SUPT3H: variants seen among roughly 807,000 people sequenced by gnomAD.
The protein encoded by SUPT3H is transcription initiation protein SPT3 homolog.
A neutral mutation model predicts 44.3 loss-of-function variants in SUPT3H; 44 were observed. That is an observed-to-expected ratio of 0.99 (90% CI 0.78 to 1.28). The LOEUF is 1.28. SUPT3H is among the 50% of genes most tolerant of loss of function. The probability of loss-of-function intolerance (pLI) is 0.00; values close to 1 mark genes in which losing one functional copy is unlikely to be tolerated. For missense variants in SUPT3H, 380 were observed against 387.1 expected, an observed-to-expected ratio of 0.98 and a Z score of 0.15; for synonymous variants, 124 against 125.6, an observed-to-expected ratio of 0.99 and a Z score of 0.09.
chr6:45,300,506 G>A (rs1781977924), intron 2 of SUPT3H, among the ~76,000 whole-genome samples: 1 of 152,154 alleles, frequency 6.6e-6, no homozygotes, highest in Non-Finnish European at 1.5e-5. Context: ...GGCCCTTTTG[G>A]AAAACAGCTG....
At chr6:45,281,575 G>A (rs927548215) in intron 2 of SUPT3H, among the ~76,000 whole-genome samples, 1 of 152,202 alleles carries the variant, frequency 6.6e-6, no homozygotes, top group Admixed American at 6.5e-5. Context: ...CGCTTGAGTA[G>A]CTAAACAAAG....
At chr6:45,294,560 T>C (rs554492819) in intron 2 of SUPT3H, among the ~76,000 whole-genome samples, 4 of 152,060 alleles carry the variant, frequency 2.6e-5, no homozygotes, top group East Asian at 3.9e-4. Context: ...GCTGATATGA[T>C]TGTTTACCTA....
chr6:44,946,242 C>A (rs1297704856), intron 9 of SUPT3H, among the ~76,000 whole-genome samples: 2 of 152,124 alleles, frequency 1.3e-5, no homozygotes, highest in Admixed American at 1.3e-4. Flanking sequence ...TGGAGAAGTA[C>A]AAAAAGATGA....
intron 2 of SUPT3H, among the ~76,000 whole-genome samples, chr6:45,271,041 A>G (rs533313018): frequency 1.3e-5 from 2 of 152,354 alleles, no homozygotes; most frequent in African/African-American, 2.4e-5. Flanking sequence ...CTGACAGAAG[A>G]TATTTCTAAG....
intron 2 of SUPT3H, among the ~76,000 whole-genome samples, chr6:45,288,599 GTATATATATATATGTA>G (rs1779765998): frequency 3.1e-4 from 10 of 32,450 alleles, no homozygotes; most frequent in South Asian, 2.5e-3. Context: ...ATATATATGT[GTATATATATATATGTA>G]TATATATATA....
chr6:45,288,122 A>C (rs1779616789), intron 2 of SUPT3H, among the ~76,000 whole-genome samples: 1 of 152,136 alleles, frequency 6.6e-6, no homozygotes, highest in Non-Finnish European at 1.5e-5. Flanking sequence ...AGCAGCCATC[A>C]GGTAGTTTCT....
At chr6:44,937,837 T>C (rs2153463946) in intron 9 of SUPT3H, among the ~76,000 whole-genome samples, 1 of 151,440 alleles carries the variant, frequency 6.6e-6, no homozygotes, top group African/African-American at 2.4e-5. Flanking sequence ...TGGCTGTTAG[T>C]CCCCTGTCGG....
At position 45,107,221 on chromosome 6, in the gene SUPT3H, G is replaced by A. The variant is rs753293519; in HGVS notation, c.102-1215C>T. On this transcript the variant is annotated intron_variant, in intron 2 of 10. Transcript: ENST00000371459. ...CAGCAGTAGGGAAGACAAAACCAAAGTCAGACAAGATGAAAAAAAGAGTTC... is the reference window on the plus strand; with the variant it reads ...CAGCAGTAGGGAAGACAAAACCAAAATCAGACAAGATGAAAAAAAGAGTTC... Among the ~76,000 whole-genome samples, 7 of 152,182 alleles carry A rather than the reference G, an allele frequency of 4.6e-5. No individual in the cohort carries two copies. The East Asian group carries it at 5.8e-4, about 13-fold the overall frequency.
rs200670429 is a variant in SUPT3H, at chr6:44,838,745, AT to A, written c.913-8889del. 9.4e-3 allele frequency among the ~76,000 whole-genome samples: 1,427 copies of A among 152,268 alleles called. 29 individuals are homozygous for A. The highest frequency in any genetic ancestry group is 0.032 in the African/African-American group (1,350 of 41,552). ...TTAGGGCCTGGCATAAACTCTTTAT[AT>A]TAAATTAGAGTACTCTCTGTTGGCA... On this transcript the variant is annotated intron_variant, in intron 10 of 10. Coordinates refer to ENST00000371459, the MANE Select transcript of SUPT3H (RefSeq NM_003599.4).
chr6:44,847,735 G>T (rs1772120523), intron 10 of SUPT3H, among the ~76,000 whole-genome samples: 1 of 151,988 alleles, frequency 6.6e-6, no homozygotes, highest in Non-Finnish European at 1.5e-5. Flanking sequence ...TGATCCACCT[G>T]CCTTGGCCTC....
At chr6:45,110,289 G>A (rs1799857838) in intron 2 of SUPT3H, among the ~76,000 whole-genome samples, 1 of 152,034 alleles carries the variant, frequency 6.6e-6, no homozygotes, top group Non-Finnish European at 1.5e-5. Context: ...AACAAACAAG[G>A]GCATTCATGA....
At chr6:44,811,989 A>T (rs537603581) in intron 11 of SUPT3H, among the ~76,000 whole-genome samples, 43 of 152,058 alleles carry the variant, frequency 2.8e-4, no homozygotes, top group Admixed American at 8.5e-4. Flanking sequence ...TGATTCTGTG[A>T]CTGAACCCTG....
intron 10 of SUPT3H, among the ~76,000 whole-genome samples, chr6:44,891,386 A>G (rs1282081086): frequency 6.6e-6 from 1 of 152,188 alleles, no homozygotes; most frequent in East Asian, 1.9e-4. Flanking sequence ...TGACTAAAAC[A>G]AATGTGGTTT....
intron 2 of SUPT3H, among the ~76,000 whole-genome samples, chr6:45,230,627 A>T (rs112988154): frequency 0.024 from 3,023 of 125,262 alleles, 110 homozygotes; most frequent in Non-Finnish European, 0.04. Context: ...CTGGTAGTAA[A>T]CATATAGTGA....
intron 2 of SUPT3H, among the ~76,000 whole-genome samples, chr6:45,288,229 A>T (rs1191844166): frequency 6.6e-6 from 1 of 152,034 alleles, no homozygotes; most frequent in Non-Finnish European, 1.5e-5. Context: ...ACATAACTCA[A>T]TACTTAACTG....
At chr6:44,826,022 T>C (rs1767720747), downstream of SUPT3H, among the ~76,000 whole-genome samples, 1 of 152,252 alleles carries the variant, frequency 6.6e-6, no homozygotes, top group Non-Finnish European at 1.5e-5. Context: ...CTATTTACTA[T>C]CTATCTTGCT....
chr6:45,249,782 C>T (rs369478222), intron 2 of SUPT3H, among the ~76,000 whole-genome samples: 2 of 151,798 alleles, frequency 1.3e-5, no homozygotes, highest in African/African-American at 4.8e-5. Context: ...CAGAGAAACG[C>T]TGTGTTTGTG....
At chr6:45,111,176 GC>G (rs2153574194) in intron 2 of SUPT3H, among the ~76,000 whole-genome samples, 1 of 151,944 alleles carries the variant, frequency 6.6e-6, no homozygotes, top group South Asian at 2.1e-4. Flanking sequence ...GGGATTACAG[GC>G]GCCCGCCACC....
Position 45,270,755 on chromosome 6 carries a change from C to G in SUPT3H, c.101+94446G>C, listed in dbSNP as rs561518762. On this transcript the variant is annotated intron_variant, in intron 2 of 10. Transcript: ENST00000371459. ...TGAAAGCAACTTTGGAACTGAGTAA[C>G]AGGCAGAGGCTGGAACAATTTGGAG... 3.3e-5 allele frequency among the ~76,000 whole-genome samples: 5 copies of G among 152,296 alleles called. No individual in the cohort carries two copies. The South Asian group carries it at 1.0e-3, about 32-fold the overall frequency.
Sources: gnomAD v4.1 joint callset for allele counts (sites outside exome capture counted in the v4.1 genomes callset) on GRCh38, gnomAD v4.1.1 for gene constraint, MANE v1.5 for transcripts, NCBI Gene and HGNC (gene_info 2026-07-23, HGNC 2026-07-21) for gene names.